MYO9A: variants seen among roughly 807,000 people sequenced by gnomAD.
MYO9A encodes unconventional myosin-IXa.
A neutral mutation model predicts 293.3 loss-of-function variants in MYO9A; 103 were observed. The observed-to-expected ratio is 0.35, with a 90% CI of 0.30 to 0.41. The LOEUF (loss-of-function observed/expected upper bound fraction) is 0.41, where lower values mean the gene tolerates loss of function less well. MYO9A is among the 10% of genes least tolerant of loss of function. The pLI, the probability that MYO9A is intolerant of heterozygous loss-of-function variation, is 1.00. For missense variants in MYO9A, 2,685 were observed against 3,033.0 expected (o/e 0.89, Z 2.69); for synonymous variants, 1,001 against 1,035.7 (o/e 0.97, Z 0.64).
At chr15:72,085,316 C>T (rs1169975783) in intron 1 of MYO9A, among the ~76,000 whole-genome samples, 3 of 151,876 alleles carry the variant, frequency 2.0e-5, no homozygotes, top group Non-Finnish European at 4.4e-5. Flanking sequence ...TCGTTTCAAC[C>T]CAGGAGGCAA....
rs1164656449 is a variant in MYO9A, at chr15:71,919,320, G to A, written c.2563-2828C>T. ...GCCAGGCGTGGTGGCGAGTGCCTGCGGTCCTAGCTATTCGGGAGGTGGAGA... is the reference window on the plus strand; with the variant it reads ...GCCAGGCGTGGTGGCGAGTGCCTGCAGTCCTAGCTATTCGGGAGGTGGAGA... On this transcript the variant is annotated intron_variant, in intron 18 of 41. Transcript: ENST00000356056. 1.5e-4 allele frequency among the ~76,000 whole-genome samples: 23 copies of A among 151,854 alleles called. No homozygotes were observed. The South Asian group carries it at 2.5e-3, about 17-fold the overall frequency.
chr15:71,936,243 T>A (rs905354273), intron 16 of MYO9A, among the ~76,000 whole-genome samples: 6 of 151,976 alleles, frequency 3.9e-5, no homozygotes, highest in African/African-American at 1.5e-4. Flanking sequence ...ATGACCCCAC[T>A]CGTATGTGGA....
At position 71,827,022 on chromosome 15, in the gene MYO9A, G is replaced by C; in HGVS notation, c.7205C>G (p.Ser2402Cys). ...EKSERSLALS[S>C]LKTAGKSEPS... The stretch of plus-strand genomic sequence containing the variant: ...TTCAGACTTGCCAGCTGTCTTCAGG[G>C]AGCTAAGGGCTAAGCTTCTTTCTAA... Residue 2402 changes from serine to cysteine, a missense_variant, in exon 42 of 42, where the codon TCC becomes TGC. Around this residue, in one of 10 missense-constraint regions of MYO9A, gnomAD observed 350 missense variants for 328.9 expected, o/e 1.06. Transcript: ENST00000356056. 1 of 1,595,028 alleles carries C rather than the reference G, an allele frequency of 6.3e-7. No homozygotes were observed. The highest frequency in any genetic ancestry group is 8.5e-7 in the Non-Finnish European group (1 of 1,173,046).
In MYO9A at chr15:71,897,689, A is replaced by G. The variant is rs748725199; in HGVS notation, c.4814T>C (p.Phe1605Ser). The change falls in exon 25 of 42, where the codon TTT (phenylalanine) becomes TCT (serine). Residue 1605 changes from phenylalanine to serine, a missense_variant. By Grantham distance (155) the Phe-to-Ser change is radical. This residue lies in a region of MYO9A where 1,434 missense variants were observed against 1,497.7 expected (regional missense o/e 0.96). Transcript: ENST00000356056. ...TTGGCATGGACTTCCTTTTCTTTCAAAGAACACGGTGACAGGTCGGTCCTT... is the reference window on the plus strand; with the variant it reads ...TTGGCATGGACTTCCTTTTCTTTCAGAGAACACGGTGACAGGTCGGTCCTT... ...PPKDRPVTVF[F>S]ERKGSPCQSS... is the part of the protein sequence containing the mutation. 2 of 1,614,138 alleles carry G rather than the reference A, an allele frequency of 1.2e-6. No homozygotes were observed. The highest frequency in any genetic ancestry group is 1.7e-5 in the Admixed American group (1 of 60,002).
At chr15:71,991,382 G>T in intron 10 of MYO9A, 145 bp from the exon 11 acceptor site, 2 of 514,534 alleles carry the variant, frequency 3.9e-6, no homozygotes, top group Non-Finnish European at 6.6e-6. Context: ...AACATATCAT[G>T]ACTTAAAAGT....
chr15:71,937,633 GAGA>G (rs2058675249), intron 16 of MYO9A, among the ~76,000 whole-genome samples: 2 of 152,110 alleles, frequency 1.3e-5, no homozygotes. Context: ...TTGTTTTACT[GAGA>G]ATTCGTTTTA....
At chr15:71,858,400 A>G (rs1296967950) in intron 34 of MYO9A, among the ~76,000 whole-genome samples, 1 of 152,176 alleles carries the variant, frequency 6.6e-6, no homozygotes, top group Non-Finnish European at 1.5e-5. Context: ...AATGTGGCAC[A>G]TATACAGCAT....
At chr15:71,914,273 A>T (rs2144660684) in intron 19 of MYO9A, among the ~76,000 whole-genome samples, 1 of 152,234 alleles carries the variant, frequency 6.6e-6, no homozygotes, top group East Asian at 1.9e-4. Flanking sequence ...CCCTATTCTC[A>T]GAGATTGGAG....
At chr15:72,063,013 T>G (rs1256683152) in intron 1 of MYO9A, among the ~76,000 whole-genome samples, 2 of 152,124 alleles carry the variant, frequency 1.3e-5, no homozygotes, top group Non-Finnish European at 2.9e-5. Flanking sequence ...CAGAGCGAGA[T>G]CCCATCTATG....
intron 1 of MYO9A, among the ~76,000 whole-genome samples, chr15:72,068,891 A>C (rs1343093937): frequency 6.6e-6 from 1 of 152,202 alleles, no homozygotes; most frequent in Non-Finnish European, 1.5e-5. Context: ...TGTATGTTTT[A>C]ATCATTCCAT....
chr15:72,048,175 G>A (rs982552650), intron 1 of MYO9A, among the ~76,000 whole-genome samples: 8 of 151,772 alleles, frequency 5.3e-5, no homozygotes, highest in South Asian at 2.1e-4. Flanking sequence ...CAAGGCGGGC[G>A]GATCACCTGA....
chr15:72,104,931 T>C (rs559116426), intron 1 of MYO9A, among the ~76,000 whole-genome samples: 2 of 152,318 alleles, frequency 1.3e-5, no homozygotes, highest in East Asian at 3.9e-4. Flanking sequence ...GAAGATACAA[T>C]GTATCCTTAC....
intron 19 of MYO9A, among the ~76,000 whole-genome samples, chr15:71,906,830 C>G (rs1005558982): frequency 1.5e-5 from 2 of 134,276 alleles, no homozygotes; most frequent in Non-Finnish European, 3.1e-5. Flanking sequence ...GTGGCACGAT[C>G]TCGGCCTACT....
chr15:71,916,224 C>G, intron 19 of MYO9A, 146 bp downstream of exon 19: 1 of 884,048 alleles, frequency 1.1e-6, no homozygotes, highest in Non-Finnish European at 1.6e-6. Flanking sequence ...ATCTTTGGTT[C>G]TTTTTTCCAA....
chr15:71,959,494 A>C (rs2059276007), intron 14 of MYO9A: 1 of 176,468 alleles, frequency 5.7e-6, no homozygotes, highest in Non-Finnish European at 1.2e-5. Context: ...GGTTTCCAGT[A>C]GGCCAAAAGT....
chr15:72,049,472 G>A (rs1305962213), intron 1 of MYO9A, among the ~76,000 whole-genome samples: 1 of 152,168 alleles, frequency 6.6e-6, no homozygotes, highest in Non-Finnish European at 1.5e-5. Context: ...CTTACAGCCA[G>A]GGAGGCTGTG....
Position 71,898,177 on chromosome 15 carries a change from G to A in MYO9A, c.4326C>T (p.Asn1442=), listed in dbSNP as rs375720226. The change falls in exon 25 of 42, where the codon AAC becomes AAT. Residue 1442 remains asparagine (N), a synonymous_variant. Transcript: ENST00000356056. ...NSQLDTSIQR[N]KLLENEDTAG... ...CTGTGTCTTCATTTTCCAATAGTTT[G>A]TTTCTTTGGATACTTGTGTCTAGTT... 1.2e-6 allele frequency: 2 copies of A among 1,614,066 alleles called. No individual in the cohort carries two copies. Among genetic ancestry groups the A allele is most frequent in the Non-Finnish European group, 1.7e-6 (2 of 1,180,004 alleles).
chr15:71,895,304 C>G (rs1015094514), intron 25 of MYO9A, among the ~76,000 whole-genome samples: 2 of 152,188 alleles, frequency 1.3e-5, no homozygotes, highest in African/African-American at 4.8e-5. Flanking sequence ...TTGACCACTG[C>G]AATTAACCTT....
chr15:72,115,429 T>A (rs1219449156), intron 1 of MYO9A, among the ~76,000 whole-genome samples: 1 of 152,126 alleles, frequency 6.6e-6, no homozygotes, highest in Admixed American at 6.5e-5. Context: ...AAAATCCCAC[T>A]CCTTCATGGG....
Sources: allele counts gnomAD v4.1 joint callset (sites outside exome capture counted in the v4.1 genomes callset), GRCh38; gene constraint gnomAD v4.1.1; regional missense constraint gnomAD v4.1.1; transcripts MANE v1.5; gene names NCBI Gene and HGNC (gene_info 2026-07-23, HGNC 2026-07-21).